The following PPP2R2B variants were observed in gnomAD, a reference collection of about 807,000 sequenced individuals.
PPP2R2B encodes protein phosphatase 2 regulatory subunit Bbeta, also known as serine/threonine-protein phosphatase 2A 55 kDa regulatory subunit B beta isoform.
A neutral mutation model predicts 46.0 loss-of-function variants in PPP2R2B; 5 were observed. The observed-to-expected ratio is 0.11, with a 90% confidence interval of 0.06 to 0.23. The LOEUF (loss-of-function observed/expected upper bound fraction) is 0.23, where lower values mean the gene tolerates loss of function less well. Ranked by LOEUF, PPP2R2B falls within the 10% of genes least tolerant of loss-of-function variation. The probability of loss-of-function intolerance (pLI) is 1.00; values close to 1 mark genes in which losing one functional copy is unlikely to be tolerated. For missense variants in PPP2R2B, 367 were observed against 575.0 expected (o/e 0.64, Z 3.70); for synonymous variants, 215 against 206.7 (o/e 1.04, Z -0.34).
At chr5:146,854,110 T>TA (rs1760507769) in intron 2 of PPP2R2B, among the ~76,000 whole-genome samples, 1 of 152,070 alleles carries the variant, frequency 6.6e-6, no homozygotes, top group African/African-American at 2.4e-5. Context: ...AAGTGCACAA[T>TA]AAATACTTAA....
At chr5:146,952,949 T>C (rs1254194945) in intron 1 of PPP2R2B, among the ~76,000 whole-genome samples, 3 of 152,162 alleles carry the variant, frequency 2.0e-5, no homozygotes, top group African/African-American at 7.2e-5. Context: ...ACTAAAATCA[T>C]AGTAAGTTTA....
intron 2 of PPP2R2B, among the ~76,000 whole-genome samples, chr5:146,759,848 G>A (rs968897233): frequency 1.3e-5 from 2 of 151,606 alleles, no homozygotes; most frequent in Admixed American, 6.6e-5. Context: ...ATATAAAAGA[G>A]CAAAACATTT....
chr5:147,033,055 T>C (rs1462134390), intron 1 of PPP2R2B, among the ~76,000 whole-genome samples: 1 of 152,130 alleles, frequency 6.6e-6, no homozygotes, highest in African/African-American at 2.4e-5. Context: ...TTGAAAATTA[T>C]GAGACCATGC....
At chr5:146,670,369 T>A (rs1777265872) in intron 5 of PPP2R2B, among the ~76,000 whole-genome samples, 1 of 151,834 alleles carries the variant, frequency 6.6e-6, no homozygotes, top group Admixed American at 6.6e-5. Context: ...GTATCCTGAT[T>A]TTTTTTTAAA....
chr5:146,684,666 G>T (rs894061289), intron 5 of PPP2R2B, among the ~76,000 whole-genome samples: 3 of 152,174 alleles, frequency 2.0e-5, no homozygotes, highest in African/African-American at 4.8e-5. Flanking sequence ...CAGATGCATC[G>T]TGGAAACTCC....
At chr5:146,910,409 A>C (rs986273092) in intron 1 of PPP2R2B, among the ~76,000 whole-genome samples, 6 of 152,212 alleles carry the variant, frequency 3.9e-5, no homozygotes, top group African/African-American at 1.4e-4. Flanking sequence ...ATTTAAAGGA[A>C]GTGCTCACTC....
At position 146,722,667 on chromosome 5, in the gene PPP2R2B, G is replaced by A. The variant is rs573384103; in HGVS notation, c.71-21525C>T. 5.9e-4 allele frequency among the ~76,000 whole-genome samples: 90 copies of A among 152,320 alleles called. 1 individual carries two copies. Among genetic ancestry groups the A allele is most frequent in the African/African-American group, 2.1e-3 (88 of 41,580 alleles). ...TCAGAGAAATGACTGACAAGCAAGT[G>A]GGTTGCCCACAGTATAAACAATAAT... On this transcript the variant is annotated intron_variant, in intron 2 of 9. Coordinates refer to ENST00000394411, the MANE Select transcript of PPP2R2B (RefSeq NM_181675.4).
chr5:146,852,574 T>C lies in PPP2R2B; in HGVS notation c.70+25428A>G, dbSNP rs1036772666. 5.3e-5 allele frequency among the ~76,000 whole-genome samples: 8 copies of C among 152,136 alleles called. No homozygotes were observed. In the East Asian group the frequency reaches 7.7e-4, roughly 15 times the overall value. On this transcript the variant is annotated intron_variant, in intron 2 of 9. Transcript: ENST00000394411. ...CAGAAGAATTCATTATTTTGGTTCA[T>C]TGTGGTTCCGCCTACTGTAGAACCA... is the stretch of plus-strand genomic sequence containing the variant.
chr5:146,633,702 G>T (rs1001022880), intron 7 of PPP2R2B, among the ~76,000 whole-genome samples: 1 of 152,248 alleles, frequency 6.6e-6, no homozygotes, highest in African/African-American at 2.4e-5. Flanking sequence ...GCCTCCTTCA[G>T]GACAGTCACC....
intron 1 of PPP2R2B, among the ~76,000 whole-genome samples, chr5:147,029,339 G>T (rs1755672769): frequency 6.6e-6 from 1 of 152,116 alleles, no homozygotes; most frequent in African/African-American, 2.4e-5. Context: ...TAGGGACCAA[G>T]ATTATTTCTC....
intron 9 of PPP2R2B, among the ~76,000 whole-genome samples, chr5:146,591,041 G>A (rs1248131360): frequency 2.6e-5 from 4 of 152,142 alleles, no homozygotes; most frequent in African/African-American, 9.7e-5. Context: ...GGTACTGAAT[G>A]TTTAATGGTG....
chr5:146,921,705 CTTCTCTGTATCAGTTCATCTCTGT>C (rs1350327603), intron 1 of PPP2R2B, among the ~76,000 whole-genome samples: 2 of 152,122 alleles, frequency 1.3e-5, no homozygotes, highest in East Asian at 3.9e-4. Context: ...TTCATCTCTG[CTTCTCTGTATCAGTTCATCTCTGT>C]TTCTCTTCTG....
chr5:147,042,123 A>G (rs984597418), intron 1 of PPP2R2B, among the ~76,000 whole-genome samples: 2 of 152,146 alleles, frequency 1.3e-5, no homozygotes, highest in Admixed American at 1.3e-4. Context: ...ACCTTGTAAT[A>G]GTCTTAAAGC....
At chr5:146,908,355 T>A (rs1452149649) in intron 1 of PPP2R2B, among the ~76,000 whole-genome samples, 1 of 152,202 alleles carries the variant, frequency 6.6e-6, no homozygotes, top group Non-Finnish European at 1.5e-5. Context: ...CAAGGAATTA[T>A]GCAGTACTCA....
chr5:147,044,955 T>C (rs947841302), intron 1 of PPP2R2B, among the ~76,000 whole-genome samples: 1 of 152,232 alleles, frequency 6.6e-6, no homozygotes, highest in Non-Finnish European at 1.5e-5. Flanking sequence ...AATTCACTCC[T>C]ATGCCTGGAA....
intron 2 of PPP2R2B, among the ~76,000 whole-genome samples, chr5:146,754,838 A>T (rs896373998): frequency 6.6e-5 from 10 of 152,158 alleles, no homozygotes; most frequent in African/African-American, 2.4e-4. Context: ...GTGAGCCATG[A>T]TGGAAGCACT....
At chr5:146,626,416 A>T (rs991747067) in intron 7 of PPP2R2B, among the ~76,000 whole-genome samples, 6 of 152,272 alleles carry the variant, frequency 3.9e-5, no homozygotes, top group Non-Finnish European at 4.4e-5. Flanking sequence ...ACACAGACTT[A>T]GATTTTAAAA....
intron 1 of PPP2R2B, among the ~76,000 whole-genome samples, chr5:146,912,648 G>A (rs1380963253): frequency 1.3e-5 from 2 of 151,758 alleles, no homozygotes; most frequent in Non-Finnish European, 2.9e-5. Context: ...GGGATTACAG[G>A]CGTGTGCCAC....
chr5:146,945,798 G>A (rs140718340), intron 1 of PPP2R2B, among the ~76,000 whole-genome samples: 2 of 152,282 alleles, frequency 1.3e-5, no homozygotes, highest in Non-Finnish European at 2.9e-5. Context: ...AATTCGATTT[G>A]AGAAAGAATG....
Sources: allele counts gnomAD v4.1 joint callset (sites outside exome capture counted in the v4.1 genomes callset), GRCh38; gene constraint gnomAD v4.1.1; transcripts MANE v1.5; gene names NCBI Gene and HGNC (gene_info 2026-07-23, HGNC 2026-07-21).